Variants in FAM120B observed in about 807,000 individuals in gnomAD.
The protein encoded by FAM120B is family with sequence similarity 120 member B.
FAM120B carries 83 observed loss-of-function variants against 96.3 expected under a neutral mutation model. The ratio of observed to expected loss-of-function variants is 0.86; its 90% CI spans 0.72 to 1.03. The LOEUF (loss-of-function observed/expected upper bound fraction) is 1.03. Ranked by LOEUF, FAM120B falls within the 50% of genes least tolerant of loss-of-function variation. The pLI is 0.00. For missense variants in FAM120B, 1,027 were observed against 1,121.2 expected, an observed-to-expected ratio of 0.92 and a Z score of 1.20; for synonymous variants, 407 against 402.7, an observed-to-expected ratio of 1.01 and a Z score of -0.13.
intron 5 of FAM120B, among the ~76,000 whole-genome samples, chr6:170,350,919 A>T (rs1165670628): frequency 2.0e-5 from 3 of 152,242 alleles, no homozygotes; most frequent in African/African-American, 7.2e-5. Flanking sequence ...CAGCAAGGAC[A>T]CAGAACTGGG....
rs2115246590 is a variant in FAM120B at position 170,370,274 on chromosome 6, A to C, written c.2283+11956A>C. 6.6e-6 allele frequency among the ~76,000 whole-genome samples: 1 copy of C among 152,284 alleles called. No individual in the cohort carries two copies. The highest frequency in any genetic ancestry group is 2.1e-4 in the South Asian group (1 of 4,824). On this transcript the variant is annotated intron_variant, in intron 6 of 10. Transcript: ENST00000476287. The surrounding 1 kb of genome is among the most constrained non-coding windows in gnomAD (Gnocchi z 4.3). ...ACCTTAGGGGGCCCTTGCTGCCCAG[A>C]CAGTCCATGCAGACCTTTCTTTTCT...
intron 6 of FAM120B, among the ~76,000 whole-genome samples, chr6:170,385,415 A>G (rs1375395487): frequency 6.6e-6 from 1 of 152,242 alleles, no homozygotes; most frequent in Non-Finnish European, 1.5e-5. Flanking sequence ...ATCTCTATAA[A>G]TTAATAAAAA....
intron 9 of FAM120B, among the ~76,000 whole-genome samples, chr6:170,398,776 G>T (rs1252543595): frequency 6.6e-6 from 1 of 150,634 alleles, no homozygotes; most frequent in African/African-American, 2.4e-5. Flanking sequence ...TAAGCCTTAG[G>T]AGTGAGTGGG....
chr6:170,374,113 A>G (rs1789367911), intron 6 of FAM120B, among the ~76,000 whole-genome samples: 1 of 152,194 alleles, frequency 6.6e-6, no homozygotes, highest in African/African-American at 2.4e-5. Context: ...TATAAAAAGC[A>G]TCTTGGGTTA....
intron 3 of FAM120B, among the ~76,000 whole-genome samples, chr6:170,323,878 G>C (rs1215376722): frequency 1.3e-5 from 2 of 152,130 alleles, no homozygotes; most frequent in South Asian, 2.1e-4. Context: ...AATAGTTTTG[G>C]GGGGAATGAG....
intron 6 of FAM120B, among the ~76,000 whole-genome samples, chr6:170,384,579 G>A (rs1006532487): frequency 6.6e-6 from 1 of 152,168 alleles, no homozygotes; most frequent in Non-Finnish European, 1.5e-5. Context: ...CAGCGCCCCA[G>A]GATTATTTCC....
rs1452054310 is a variant in FAM120B at position 170,295,731 on chromosome 6, C to T, written c.48+278C>T. Among the ~76,000 whole-genome samples, 2 of 152,062 alleles carry T rather than the reference C, an allele frequency of 1.3e-5. No individual in the cohort carries two copies. The highest frequency in any genetic ancestry group is 4.8e-5 in the African/African-American group (2 of 41,418). ...CTTTTCCTTTCTCAGGATCCGCGGC[C>T]GTGCAGAGAACAGGAAGACGGGCTC... On this transcript the variant is annotated intron_variant, in intron 1 of 10. Coordinates refer to the FAM120B transcript ENST00000537664. This position sits in a 1 kb window ranked among gnomAD's most constrained non-coding sequence, Gnocchi z 7.8.
chr6:170,371,861 A>G (rs1583283066), intron 6 of FAM120B, among the ~76,000 whole-genome samples: 1 of 152,238 alleles, frequency 6.6e-6, no homozygotes, highest in Non-Finnish European at 1.5e-5. Context: ...TGCCACCCTC[A>G]GGCTTGGAGC....
intron 1 of FAM120B, among the ~76,000 whole-genome samples, chr6:170,309,902 T>G (rs1293372570): frequency 6.6e-6 from 1 of 152,240 alleles, no homozygotes; most frequent in Non-Finnish European, 1.5e-5. Context: ...TCCTCAATGC[T>G]CTCAAGTGAC....
At chr6:170,350,797 CTCAAAGA>C (rs1375915141) in intron 5 of FAM120B, among the ~76,000 whole-genome samples, 4 of 152,202 alleles carry the variant, frequency 2.6e-5, no homozygotes, top group Non-Finnish European at 5.9e-5. Flanking sequence ...GGTTAGAGAT[CTCAAAGA>C]TCAAAGATAG....
chr6:170,294,910 A>G (rs1257441249), upstream of FAM120B, among the ~76,000 whole-genome samples: 1 of 152,240 alleles, frequency 6.6e-6, no homozygotes, highest in Admixed American at 6.5e-5. This position sits in a 1 kb window ranked among gnomAD's most constrained non-coding sequence, Gnocchi z 7.9. Context: ...CCTTGTTCAG[A>G]ATAACAAGAT....
At chr6:170,389,963 A>G (rs998604490) in intron 7 of FAM120B, among the ~76,000 whole-genome samples, 2 of 151,878 alleles carry the variant, frequency 1.3e-5, no homozygotes, top group African/African-American at 2.4e-5. Flanking sequence ...ACTTGAAAAT[A>G]CTCCCCAAAG....
At chr6:170,390,763 C>T (rs1238659880) in intron 7 of FAM120B, among the ~76,000 whole-genome samples, 1 of 152,178 alleles carries the variant, frequency 6.6e-6, no homozygotes, top group Non-Finnish European at 1.5e-5. Context: ...GTTTAACCTA[C>T]AGAAGCTGCT....
At chr6:170,360,314 C>T (rs536297670) in intron 6 of FAM120B, among the ~76,000 whole-genome samples, 3 of 152,160 alleles carry the variant, frequency 2.0e-5, no homozygotes, top group South Asian at 4.2e-4. Flanking sequence ...GATTTAAATG[C>T]AGCAGAAGGT....
At chr6:170,313,469 G>A (rs1048641067) in intron 1 of FAM120B, among the ~76,000 whole-genome samples, 1 of 152,228 alleles carries the variant, frequency 6.6e-6, no homozygotes, top group African/African-American at 2.4e-5. Flanking sequence ...AAGACTTTGT[G>A]TTTTGTATTG....
chr6:170,338,281 G>T (rs1443550233), intron 4 of FAM120B, among the ~76,000 whole-genome samples: 2 of 151,726 alleles, frequency 1.3e-5, no homozygotes, highest in Non-Finnish European at 3.0e-5. Context: ...CCTTAATTTT[G>T]TTATTTACCC....
chr6:170,371,408 C>T (rs897690274), intron 6 of FAM120B, among the ~76,000 whole-genome samples: 3 of 152,126 alleles, frequency 2.0e-5, no homozygotes, highest in African/African-American at 7.2e-5. Context: ...TGCTATGAAC[C>T]TTTCTTTACA....
intron 8 of FAM120B, among the ~76,000 whole-genome samples, chr6:170,395,008 C>A (rs1296962927): frequency 1.3e-5 from 2 of 152,224 alleles, no homozygotes; most frequent in East Asian, 3.9e-4. Context: ...TAGAGACAAA[C>A]AGGACAAGGT....
chr6:170,378,909 C>A lies in FAM120B; in HGVS notation c.2284-9378C>A, dbSNP rs552819341. ...ACTATTCAGCTTTCTGTGAGAAGAGCGTGCTAAGTAGATGGCCAGTGCCAA... is the reference window on the plus strand; with the variant it reads ...ACTATTCAGCTTTCTGTGAGAAGAGAGTGCTAAGTAGATGGCCAGTGCCAA... On this transcript the variant is annotated intron_variant, in intron 6 of 10. Coordinates refer to ENST00000476287, the MANE Select transcript of FAM120B (RefSeq NM_032448.3). Among the ~76,000 whole-genome samples, 6 of 152,320 alleles carry A rather than the reference C, an allele frequency of 3.9e-5. No homozygotes were observed. In the South Asian group the frequency reaches 1.2e-3, roughly 32 times the overall value.
Sources: gnomAD v4.1 joint callset for allele counts (sites outside exome capture counted in the v4.1 genomes callset) on GRCh38, gnomAD v4.1.1 for gene constraint, Gnocchi (gnomAD v3.1) non-coding constraint, MANE v1.5 for transcripts, NCBI Gene and HGNC (gene_info 2026-07-23, HGNC 2026-07-21) for gene names.